PIP4K2B: variants seen among roughly 807,000 people sequenced by gnomAD.
PIP4K2B encodes phosphatidylinositol 5-phosphate 4-kinase type-2 beta.
In PIP4K2B, 3 loss-of-function variants were observed where a neutral mutation model predicts 42.0. The ratio of observed to expected loss-of-function variants is 0.07; its 90% CI spans 0.03 to 0.18. The LOEUF (loss-of-function observed/expected upper bound fraction) is 0.18, where lower values mean the gene tolerates loss of function less well. PIP4K2B is among the 10% of genes least tolerant of loss of function. The pLI is 1.00. For missense variants in PIP4K2B, 332 were observed against 562.3 expected (o/e 0.59, Z 4.14); for synonymous variants, 204 against 210.1 (o/e 0.97, Z 0.25).
At chr17:38,795,428 G>C (rs1378326171) in intron 1 of PIP4K2B, among the ~76,000 whole-genome samples, 1 of 151,986 alleles carries the variant, frequency 6.6e-6, no homozygotes, top group Non-Finnish European at 1.5e-5. Flanking sequence ...GCAACAAAGC[G>C]AGACCCTGTC....
intron 3 of PIP4K2B, among the ~76,000 whole-genome samples, chr17:38,783,246 G>C (rs1402938362): frequency 7.1e-6 from 1 of 140,178 alleles, no homozygotes; most frequent in East Asian, 2.1e-4. Context: ...CAGCTGTAAA[G>C]GTGAAGTGGA....
At chr17:38,780,362 G>A (rs1157007730) in intron 4 of PIP4K2B, 90 bp downstream of exon 4, 18 of 1,204,882 alleles carry the variant, frequency 1.5e-5, no homozygotes, top group Non-Finnish European at 1.7e-5. Context: ...TTACCAGAGA[G>A]GACCAACCCC....
At chr17:38,777,553 C>A (rs1909431557) in intron 7 of PIP4K2B, 134 bp downstream of exon 7, 1 of 667,098 alleles carries the variant, frequency 1.5e-6, no homozygotes, top group Admixed American at 2.5e-5. Context: ...CCATAAGTGC[C>A]CACGCTGCTC....
rs1334897365 is a variant in PIP4K2B at position 38,779,787 on chromosome 17, T to C, written c.508-258A>G. On this transcript the variant is annotated intron_variant, in intron 4 of 9. Transcript: ENST00000619039. ...TCAGAGCCCCTGTGGGTTCATATTA[T>C]TAGTATCTCACCTAAGATTTTGTTT... is the stretch of plus-strand genomic sequence containing the variant. 3 of 454,076 alleles carry C rather than the reference T, an allele frequency of 6.6e-6. No homozygotes were observed. The East Asian group carries it at 9.6e-5, about 14-fold the overall frequency. The allele number at this position is 454,076 out of a possible 1,614,324, so 28.1% of individuals were successfully genotyped here.
At chr17:38,770,629 G>A (rs1482000946) in intron 8 of PIP4K2B, 90 bp from the exon 9 acceptor site, 6 of 767,752 alleles carry the variant, frequency 7.8e-6, no homozygotes, top group African/African-American at 1.7e-5. Context: ...CCAGACACAA[G>A]GCTCAGCTCC....
rs1910834959 is a variant in PIP4K2B at position 38,799,397 on chromosome 17, C to T, written c.28G>A (p.Ala10Thr). The T allele has an allele frequency of 6.2e-7, 1 of 1,605,028 alleles. No homozygotes were observed. Among genetic ancestry groups the T allele is most frequent in the African/African-American group, 1.3e-5 (1 of 74,236 alleles). The change falls in exon 1 of 10, where the codon GCG becomes ACG. Residue 10 changes from alanine (A) to threonine (T), a missense_variant. By Grantham distance (58) the Ala-to-Thr change is moderately conservative. Around this residue, in one of 6 missense-constraint regions of PIP4K2B, gnomAD observed 186 missense variants for 288.4 expected, o/e 0.64. Transcript: ENST00000619039. The surrounding 1 kb of genome is among the most constrained non-coding windows in gnomAD (Gnocchi z 4.4). The stretch of plus-strand genomic sequence containing the variant: ...GCGCTGAGCGGCGCCACCGCCACCG[C>T]CGTGGTGCTGGTGCAGTTGGACGAC... MSSNCTSTT[A>T]VAVAPLSASK...
chr17:38,799,191 G>A lies in PIP4K2B; in HGVS notation c.159+75C>T, dbSNP rs1436413161. On this transcript the variant is annotated intron_variant, in intron 1 of 9. Transcript: ENST00000619039. This position sits in a 1 kb window ranked among gnomAD's most constrained non-coding sequence, Gnocchi z 4.4. ...CAGGCGTCACCGGCAGGGCCTGCGGGGCAAGGGCCCAGGGCTGCAGGGGGC... is the reference window on the plus strand; with the variant it reads ...CAGGCGTCACCGGCAGGGCCTGCGGAGCAAGGGCCCAGGGCTGCAGGGGGC... The A allele has an allele frequency of 7.0e-7, 1 of 1,430,344 alleles. No homozygotes were observed. The highest frequency in any genetic ancestry group is 1.5e-5 in the African/African-American group (1 of 67,078). 88.6% of individuals were successfully genotyped at this position (1,430,344 alleles called of 1,614,324 possible).
intron 1 of PIP4K2B, among the ~76,000 whole-genome samples, chr17:38,788,070 A>G (rs1180514318): frequency 6.6e-6 from 1 of 152,210 alleles, no homozygotes; most frequent in African/African-American, 2.4e-5. Context: ...AGGCCTTTGA[A>G]TATCTTCATA....
rs567130084 is a variant in PIP4K2B, at chr17:38,797,531, C to T, written c.159+1735G>A. ...CATGGTGCTAGACAATAAGCGACAT[C>T]TCTTGCTGTAACCACAGGCAAGCTA... On this transcript the variant is annotated intron_variant, in intron 1 of 9. Transcript: ENST00000619039. Among the ~76,000 whole-genome samples, 101 of 152,360 alleles carry T rather than the reference C, an allele frequency of 6.6e-4. No homozygotes were observed. In the South Asian group the frequency reaches 0.012, roughly 18 times the overall value.
In PIP4K2B at chr17:38,780,526, G is replaced by C; in HGVS notation, c.433C>G (p.Arg145Gly). ...CGTRFLTTYD[R>G]RFVIKTVSSE... ...GACACAGTCTTGATGACAAAGCGCCGGTCGTAGGTGGTGAGGAAACGCGTG... is the reference window on the plus strand; with the variant it reads ...GACACAGTCTTGATGACAAAGCGCCCGTCGTAGGTGGTGAGGAAACGCGTG... Residue 145 changes from arginine to glycine, a missense_variant, in exon 4 of 10, where the codon CGG becomes GGG. By Grantham distance (125) the Arg-to-Gly change is moderately radical. This residue lies in a region of PIP4K2B where 186 missense variants were observed against 288.4 expected (regional missense o/e 0.64). Coordinates refer to ENST00000619039, the MANE Select transcript of PIP4K2B (RefSeq NM_003559.5). The C allele has an allele frequency of 6.2e-7, 1 of 1,614,004 alleles. No homozygotes were observed. The highest frequency in any genetic ancestry group is 8.5e-7 in the Non-Finnish European group (1 of 1,179,888).
chr17:38,793,566 T>C (rs1261399795), intron 1 of PIP4K2B, among the ~76,000 whole-genome samples: 3 of 151,832 alleles, frequency 2.0e-5, no homozygotes, highest in African/African-American at 4.8e-5. Context: ...TTTAAAGCAG[T>C]AGGGCAAGAT....
At chr17:38,792,519 T>A (rs1247187834) in intron 1 of PIP4K2B, among the ~76,000 whole-genome samples, 2 of 152,246 alleles carry the variant, frequency 1.3e-5, no homozygotes, top group Non-Finnish European at 2.9e-5. Context: ...CAGCTAGTTC[T>A]AGTCTGGTGA....
At chr17:38,785,874 C>T (rs931275927) in intron 2 of PIP4K2B, among the ~76,000 whole-genome samples, 1 of 152,174 alleles carries the variant, frequency 6.6e-6, no homozygotes, top group Admixed American at 6.5e-5. Flanking sequence ...ACCTCTGAGT[C>T]AGAACAACCT....
chr17:38,791,698 C>T (rs907111508), intron 1 of PIP4K2B, among the ~76,000 whole-genome samples: 6 of 150,522 alleles, frequency 4.0e-5, no homozygotes, highest in South Asian at 2.1e-4. Flanking sequence ...CGTGAGCCAC[C>T]GCGCCCAGCC....
intron 1 of PIP4K2B, among the ~76,000 whole-genome samples, chr17:38,787,453 C>G (rs1209915010): frequency 6.6e-6 from 1 of 152,228 alleles, no homozygotes; most frequent in African/African-American, 2.4e-5. Context: ...TCTAGACCAT[C>G]AATACCCTTT....
intron 4 of PIP4K2B, 97 bp from the exon 5 acceptor site, chr17:38,779,626 G>T: frequency 2.8e-6 from 3 of 1,081,870 alleles, no homozygotes; most frequent in Non-Finnish European, 4.2e-6. Context: ...GGCTCCCTGG[G>T]ATTCTAACCT....
intron 3 of PIP4K2B, among the ~76,000 whole-genome samples, chr17:38,781,365 G>A (rs1057328732): frequency 1.3e-5 from 2 of 151,930 alleles, no homozygotes; most frequent in African/African-American, 4.8e-5. Flanking sequence ...GTCAACCAAA[G>A]GGATATGTTC....
At chr17:38,783,085 C>T (rs181078813) in intron 3 of PIP4K2B, among the ~76,000 whole-genome samples, 73 of 149,818 alleles carry the variant, frequency 4.9e-4, no homozygotes, top group Middle Eastern at 6.9e-3. Context: ...ATCCCAGCTA[C>T]TCGGGAGGCT....
At chr17:38,784,467 T>G in intron 2 of PIP4K2B, 128 bp from the exon 3 acceptor site, 1 of 567,966 alleles carries the variant, frequency 1.8e-6, no homozygotes, top group Non-Finnish European at 3.1e-6. Context: ...AACTCCTGGC[T>G]TCAAGCGATC....
Sources: allele counts gnomAD v4.1 joint callset (sites outside exome capture counted in the v4.1 genomes callset), GRCh38; gene constraint gnomAD v4.1.1; regional missense constraint gnomAD v4.1.1; non-coding constraint Gnocchi (gnomAD v3.1); transcripts MANE v1.5; gene names NCBI Gene and HGNC (gene_info 2026-07-23, HGNC 2026-07-21).